TAPT1: variants seen among roughly 807,000 people sequenced by gnomAD.
TAPT1 encodes transmembrane anterior posterior transformation 1, also known as transmembrane anterior posterior transformation protein 1 homolog.
A neutral mutation model predicts 65.6 loss-of-function variants in TAPT1; 28 were observed. The observed-to-expected ratio is 0.43, with a 90% CI of 0.32 to 0.59. The LOEUF (loss-of-function observed/expected upper bound fraction) is 0.59, where lower values mean the gene tolerates loss of function less well. TAPT1 is among the 20% of genes least tolerant of loss of function. The pLI is 0.09. For synonymous variants in TAPT1, 278 were observed against 245.2 expected (o/e 1.13, Z -1.25); for missense variants, 563 against 679.9 (o/e 0.83, Z 1.91).
At chr4:16,224,310 T>C (rs1004697563) in intron 1 of TAPT1, among the ~76,000 whole-genome samples, 4 of 152,282 alleles carry the variant, frequency 2.6e-5, no homozygotes, top group African/African-American at 7.2e-5. Flanking sequence ...AGCCTGGGCA[T>C]TGAAGAAGGA....
intron 1 of TAPT1, among the ~76,000 whole-genome samples, chr4:16,222,632 T>C (rs1751316989): frequency 6.6e-6 from 1 of 152,228 alleles, no homozygotes; most frequent in Non-Finnish European, 1.5e-5. Flanking sequence ...ACACAAAGAA[T>C]AAGACATAGG....
chr4:16,175,799 A>G (rs1479971573), intron 9 of TAPT1, among the ~76,000 whole-genome samples: 1 of 152,156 alleles, frequency 6.6e-6, no homozygotes, highest in Non-Finnish European at 1.5e-5. Flanking sequence ...AAAAATTTTG[A>G]TGGTCTAAGT....
At chr4:16,188,034 A>G in intron 5 of TAPT1, among the ~76,000 whole-genome samples, 186 bp downstream of exon 5, 1 of 152,238 alleles carries the variant, frequency 6.6e-6, no homozygotes, top group East Asian at 1.9e-4. Flanking sequence ...TAATGCCTAC[A>G]TGAGGCTCTT....
Position 16,161,997 on chromosome 4 carries a change from C to G in TAPT1, c.*1311G>C, listed in dbSNP as rs1747279231. On this transcript the variant is annotated 3_prime_UTR_variant, in exon 14 of 14. Coordinates refer to ENST00000405303, the MANE Select transcript of TAPT1 (RefSeq NM_153365.3). ...TTTACAGAAATGCAAACACGGTTGT[C>G]AAGATAAAATGGGGTGGGAAATAAC... 3 of 152,102 alleles carry G rather than the reference C, an allele frequency of 2.0e-5. No homozygotes were observed. The highest frequency in any genetic ancestry group is 6.5e-5 in the Admixed American group (1 of 15,270). 9.4% of individuals were successfully genotyped at this position (152,102 alleles called of 1,614,324 possible).
intron 7 of TAPT1, 21 bp downstream of exon 7, chr4:16,186,514 G>A: frequency 1.4e-6 from 2 of 1,466,264 alleles, no homozygotes; most frequent in Non-Finnish European, 9.3e-7. Flanking sequence ...AGAACTTCAA[G>A]TAGAATCTAA....
rs528933307 is a variant in TAPT1, at chr4:16,201,390, C to T, written c.449+1072G>A. Among the ~76,000 whole-genome samples the T allele has an allele frequency of 9.2e-5, 14 of 152,190 alleles. No homozygotes were observed. The East Asian group carries it at 1.4e-3, about 15-fold the overall frequency. ...TATTAATTATATATTTTATACACCA[C>T]GGAACAGTCACCATAGTTCAATGAA... On this transcript the variant is annotated intron_variant, in intron 3 of 13. Transcript: ENST00000405303.
chr4:16,192,634 G>C (rs1204610106), intron 3 of TAPT1, among the ~76,000 whole-genome samples: 1 of 152,156 alleles, frequency 6.6e-6, no homozygotes, highest in Admixed American at 6.5e-5. Flanking sequence ...TCTTCCACTG[G>C]ATTTAAAATT....
chr4:16,169,021 C>A (rs1049905269), intron 12 of TAPT1, among the ~76,000 whole-genome samples: 5 of 152,180 alleles, frequency 3.3e-5, no homozygotes, highest in Non-Finnish European at 5.9e-5. Context: ...AGACACATTC[C>A]TGGGTTTGGT....
At chr4:16,197,381 G>GA (rs1749771268) in intron 3 of TAPT1, among the ~76,000 whole-genome samples, 1 of 152,168 alleles carries the variant, frequency 6.6e-6, no homozygotes, top group African/African-American at 2.4e-5. Context: ...TTTCAGTAAA[G>GA]TTTTTTCAAC....
Position 16,204,689 on chromosome 4 carries a change from G to A in TAPT1, c.331-2109C>T, listed in dbSNP as rs976807266. On this transcript the variant is annotated intron_variant, in intron 2 of 13. Coordinates refer to ENST00000405303, the MANE Select transcript of TAPT1 (RefSeq NM_153365.3). ...CAGGTGCTGGGCTTGGGCCCTGCCT[G>A]TGCATGGCCGCAGTCTAGTACCACC... Among the ~76,000 whole-genome samples, 4 of 152,336 alleles carry A rather than the reference G, an allele frequency of 2.6e-5. No individual in the cohort carries two copies. In the South Asian group the frequency reaches 8.3e-4, roughly 32 times the overall value.
intron 3 of TAPT1, among the ~76,000 whole-genome samples, chr4:16,201,068 CAG>C (rs912134954): frequency 2.0e-5 from 3 of 152,172 alleles, no homozygotes; most frequent in African/African-American, 7.2e-5. Context: ...ATAACAATGA[CAG>C]GAGCTGAATT....
At chr4:16,183,361 A>C (rs766143581) in intron 7 of TAPT1, among the ~76,000 whole-genome samples, 1 of 152,130 alleles carries the variant, frequency 6.6e-6, no homozygotes, top group Admixed American at 6.6e-5. Context: ...ATAAAGTCCA[A>C]ATTTCTTGTA....
chr4:16,182,204 T>G (rs1748749719), intron 7 of TAPT1, among the ~76,000 whole-genome samples: 1 of 152,162 alleles, frequency 6.6e-6, no homozygotes, highest in South Asian at 2.1e-4. Flanking sequence ...ACCCAAATTT[T>G]AAGTTTCTCC....
intron 3 of TAPT1, among the ~76,000 whole-genome samples, chr4:16,200,178 C>A (rs556888931): frequency 6.6e-6 from 1 of 152,314 alleles, no homozygotes; most frequent in South Asian, 2.1e-4. Context: ...ATTGTGCCAA[C>A]AGCCACTAAG....
At chr4:16,218,552 C>A (rs1751073334) in intron 1 of TAPT1, among the ~76,000 whole-genome samples, 2 of 152,200 alleles carry the variant, frequency 1.3e-5, no homozygotes, top group Admixed American at 6.5e-5. Flanking sequence ...GTCCTGGTAC[C>A]AGCTGTCTTA....
At position 16,188,242 on chromosome 4, in the gene TAPT1, A is replaced by G; in HGVS notation, c.726T>C (p.Phe242=). ...TACAGACATAGAGAACAGCCATGAA[A>G]AAGTGAGGAATCACCCCAATGTGGG... ...KRAHIGVIPH[F]FMAVLYVFLH... is the part of the protein sequence containing the mutation. The change falls in exon 5 of 14, where the codon TTT becomes TTC. Residue 242 remains phenylalanine, a synonymous_variant. Coordinates refer to ENST00000405303, the MANE Select transcript of TAPT1 (RefSeq NM_153365.3). 1 of 1,610,396 alleles carries G rather than the reference A, an allele frequency of 6.2e-7. No homozygotes were observed. Among genetic ancestry groups the G allele is most frequent in the Non-Finnish European group, 8.5e-7 (1 of 1,178,732 alleles).
At chr4:16,175,716 C>T (rs1401274474) in intron 9 of TAPT1, among the ~76,000 whole-genome samples, 3 of 152,044 alleles carry the variant, frequency 2.0e-5, no homozygotes, top group Non-Finnish European at 4.4e-5. Flanking sequence ...TAAAACTTAG[C>T]AGGAACCTAT....
chr4:16,171,125 C>T (rs1747964871), intron 11 of TAPT1, among the ~76,000 whole-genome samples: 1 of 152,190 alleles, frequency 6.6e-6, no homozygotes, highest in Non-Finnish European at 1.5e-5. Flanking sequence ...CACGTGTCCA[C>T]ACCAAAGCTA....
chr4:16,202,322 A>G (rs1237493622), intron 3 of TAPT1, 140 bp downstream of exon 3: 1 of 437,392 alleles, frequency 2.3e-6, no homozygotes, highest in African/African-American at 2.1e-5. Context: ...TATAATATCC[A>G]TTAAAAAGGT....
Sources: gnomAD v4.1 joint callset for allele counts (sites outside exome capture counted in the v4.1 genomes callset) on GRCh38, gnomAD v4.1.1 for gene constraint, MANE v1.5 for transcripts, NCBI Gene and HGNC (gene_info 2026-07-23, HGNC 2026-07-21) for gene names.